Variants in RIMS1 observed in about 807,000 individuals in gnomAD.
RIMS1 encodes the protein regulating synaptic membrane exocytosis 1, also known as regulating synaptic membrane exocytosis protein 1.
Under a neutral mutation model 214.1 loss-of-function variants are expected in RIMS1, and 83 were observed. The ratio of observed to expected loss-of-function variants is 0.39; its 90% confidence interval spans 0.32 to 0.47. The LOEUF (loss-of-function observed/expected upper bound fraction) is 0.47. RIMS1 is among the 20% of genes least tolerant of loss of function. The probability of loss-of-function intolerance (pLI) is 0.99; values close to 1 mark genes in which losing one functional copy is unlikely to be tolerated. For missense variants in RIMS1, 2,050 were observed against 2,161.8 expected (o/e 0.95, Z 1.03); for synonymous variants, 793 against 786.8 (o/e 1.01, Z -0.13).
At chr6:72,004,464 G>A (rs1806605937) in intron 2 of RIMS1, among the ~76,000 whole-genome samples, 3 of 151,968 alleles carry the variant, frequency 2.0e-5, no homozygotes, top group Admixed American at 2.0e-4. Flanking sequence ...CACAATGGTT[G>A]AAGTAGTTTA....
At chr6:72,354,614 AG>A (rs1239039035) in intron 29 of RIMS1, among the ~76,000 whole-genome samples, 1 of 152,138 alleles carries the variant, frequency 6.6e-6, no homozygotes, top group African/African-American at 2.4e-5. Context: ...TAAGTGAGAG[AG>A]TTGCTGTTGA....
At chr6:72,330,976 G>A (rs2096637682) in intron 28 of RIMS1, among the ~76,000 whole-genome samples, 1 of 151,470 alleles carries the variant, frequency 6.6e-6, no homozygotes, top group Non-Finnish European at 1.5e-5. Context: ...ATTTTATTCA[G>A]CCAATCATTT....
intron 29 of RIMS1, among the ~76,000 whole-genome samples, chr6:72,354,324 A>G (rs1389069955): frequency 6.6e-6 from 1 of 152,200 alleles, no homozygotes; most frequent in Non-Finnish European, 1.5e-5. Flanking sequence ...ACTATGGAAA[A>G]TTCTAGCTCT....
intron 2 of RIMS1, among the ~76,000 whole-genome samples, chr6:71,979,667 T>C (rs1798019163): frequency 1.3e-5 from 2 of 152,136 alleles, no homozygotes; most frequent in Admixed American, 1.3e-4. Context: ...TCTTTATCTC[T>C]GTATGTTTCT....
intron 2 of RIMS1, among the ~76,000 whole-genome samples, chr6:71,983,474 T>G (rs963506583): frequency 8.5e-5 from 13 of 152,124 alleles, no homozygotes; most frequent in Non-Finnish European, 1.8e-4. Context: ...TAAACTTGAT[T>G]TTTTTTTCTT....
intron 29 of RIMS1, among the ~76,000 whole-genome samples, chr6:72,337,565 A>AT (rs1188715688): frequency 6.6e-6 from 1 of 151,092 alleles, no homozygotes; most frequent in Non-Finnish European, 1.5e-5. Context: ...TATTATTCCC[A>AT]TTTTTTTCTT....
intron 1 of RIMS1, among the ~76,000 whole-genome samples, chr6:71,900,277 G>C (rs1404211561): frequency 6.6e-6 from 1 of 152,088 alleles, no homozygotes; most frequent in Non-Finnish European, 1.5e-5. Flanking sequence ...TCTTGTGGAA[G>C]AGGAAAAAGT....
chr6:72,287,094 C>T (rs987864574), intron 24 of RIMS1, among the ~76,000 whole-genome samples: 9 of 152,174 alleles, frequency 5.9e-5, no homozygotes, highest in Non-Finnish European at 8.8e-5. Context: ...CCCATCATTT[C>T]TGCATTCCAT....
intron 1 of RIMS1, among the ~76,000 whole-genome samples, chr6:71,893,155 G>T (rs1005588059): frequency 2.6e-5 from 4 of 152,146 alleles, no homozygotes; most frequent in African/African-American, 9.7e-5. Flanking sequence ...GTACTAGGGG[G>T]CTTGGGAAGA....
chr6:72,237,935 T>A lies in RIMS1; in HGVS notation c.1957+13T>A, dbSNP rs369155622. 36 of 1,573,788 alleles carry A rather than the reference T, an allele frequency of 2.3e-5. No individual in the cohort carries two copies. In the African/African-American group the frequency reaches 4.4e-4, roughly 19 times the overall value. ...CACCTAAGAGCAGGTAAAGTTTCTT[T>A]TTTTAATATTTAAACAGTGTGTTCT... is the stretch of plus-strand genomic sequence containing the variant. On this transcript the variant is annotated intron_variant, in intron 9 of 33. Transcript: ENST00000521978.
At chr6:72,017,632 A>T (rs1813202626) in intron 2 of RIMS1, among the ~76,000 whole-genome samples, 1 of 152,216 alleles carries the variant, frequency 6.6e-6, no homozygotes, top group Non-Finnish European at 1.5e-5. Flanking sequence ...GATTCTAGAG[A>T]TACAGTAGTA....
At chr6:72,121,213 G>A (rs1229107939) in intron 4 of RIMS1, among the ~76,000 whole-genome samples, 1 of 151,794 alleles carries the variant, frequency 6.6e-6, no homozygotes. Flanking sequence ...GCTTGATGGG[G>A]ATGGCATTGA....
intron 24 of RIMS1, among the ~76,000 whole-genome samples, chr6:72,287,911 T>C (rs969124597): frequency 3.5e-4 from 54 of 152,200 alleles, no homozygotes; most frequent in African/African-American, 1.3e-3. Flanking sequence ...TGAGGAGCTG[T>C]AAATATACAT....
intron 29 of RIMS1, among the ~76,000 whole-genome samples, chr6:72,353,111 A>C (rs1190186114): frequency 6.9e-5 from 10 of 145,902 alleles, no homozygotes; most frequent in African/African-American, 2.5e-4. Context: ...CTGCCTCCTG[A>C]GTAGCTGGGA....
In RIMS1 at chr6:72,188,693, A is replaced by G. The variant is rs183926527; in HGVS notation, c.1678+5544A>G. 7.2e-5 allele frequency among the ~76,000 whole-genome samples: 11 copies of G among 152,218 alleles called. 1 individual carries two copies. The East Asian group carries it at 2.1e-3, about 29-fold the overall frequency. On this transcript the variant is annotated intron_variant, in intron 6 of 33. Coordinates refer to ENST00000521978, the MANE Select transcript of RIMS1 (RefSeq NM_014989.7). ...TTGTGGTTTTTTACCTGGTAGAGTC[A>G]CCCAGACCATCATTCCTGAGGGTCT...
Position 72,034,032 on chromosome 6 carries a change from A to ACCTTAGAC in RIMS1, c.246-62916_246-62909dup, listed in dbSNP as rs374792753. Reference sequence around the variant, plus strand: ...TACAGAATGAGGAAAATTAAATGATACCTTAGACTAGCATTTCTCACATGC... The same window carrying ACCTTAGAC: ...TACAGAATGAGGAAAATTAAATGATACCTTAGACCCTTAGACTAGCATTTCTCACATGC... On this transcript the variant is annotated intron_variant, in intron 2 of 33. Coordinates refer to ENST00000521978, the MANE Select transcript of RIMS1 (RefSeq NM_014989.7). Among the ~76,000 whole-genome samples the ACCTTAGAC allele has an allele frequency of 1.9e-3, 290 of 152,236 alleles. 1 individual carries two copies. Among genetic ancestry groups the ACCTTAGAC allele is most frequent in the African/African-American group, 6.6e-3 (274 of 41,558 alleles).
At chr6:72,044,567 C>T (rs1355108586) in intron 2 of RIMS1, among the ~76,000 whole-genome samples, 1 of 151,668 alleles carries the variant, frequency 6.6e-6, no homozygotes, top group African/African-American at 2.4e-5. Context: ...TTTGAACAAA[C>T]CCTTCAAAGA....
chr6:72,318,943 T>C (rs1194862851), intron 28 of RIMS1, among the ~76,000 whole-genome samples: 1 of 152,174 alleles, frequency 6.6e-6, no homozygotes, highest in Non-Finnish European at 1.5e-5. Flanking sequence ...CATTTGGAAG[T>C]GAAAGGATTT....
intron 29 of RIMS1, among the ~76,000 whole-genome samples, chr6:72,362,005 T>TGTATC (rs1448935145): frequency 6.6e-6 from 1 of 152,048 alleles, no homozygotes; most frequent in African/African-American, 2.4e-5. Flanking sequence ...TGTATTGTAT[T>TGTATC]GTATTGTATT....
Sources: gnomAD v4.1 joint callset for allele counts (sites outside exome capture counted in the v4.1 genomes callset) on GRCh38, gnomAD v4.1.1 for gene constraint, MANE v1.5 for transcripts, NCBI Gene and HGNC (gene_info 2026-07-23, HGNC 2026-07-21) for gene names.